The following ZNF540 variants were observed in gnomAD, a reference collection of about 807,000 sequenced individuals.
ZNF540 encodes the protein CTD-3064H18.6.
A neutral mutation model predicts 11.8 loss-of-function variants in ZNF540; 3 were observed. The ratio of observed to expected loss-of-function variants is 0.25; its 90% CI spans 0.12 to 0.65. ZNF540 has a LOEUF of 0.65. ZNF540 is among the 30% of genes least tolerant of loss of function. ZNF540 has a pLI of 0.83. For synonymous variants in ZNF540, 247 were observed against 259.0 expected (o/e 0.95, Z 0.45); for missense variants, 709 against 793.1 (o/e 0.89, Z 1.27).
intron 4 of ZNF540, among the ~76,000 whole-genome samples, chr19:37,608,730 A>G (rs1348491710): frequency 6.6e-6 from 1 of 152,156 alleles, no homozygotes; most frequent in Non-Finnish European, 1.5e-5. Context: ...GACCTTAACC[A>G]GTGCTTCCAG....
At chr19:37,600,951 G>A (rs763174955) in intron 3 of ZNF540, 59 bp from the exon 4 acceptor site, 19 of 1,402,968 alleles carry the variant, frequency 1.4e-5, no homozygotes, top group East Asian at 2.5e-5. Flanking sequence ...GTCTCAAAAT[G>A]TTTCTGAATG....
At chr19:37,571,026 T>G (rs2043031328) in intron 1 of ZNF540, among the ~76,000 whole-genome samples, 1 of 152,194 alleles carries the variant, frequency 6.6e-6, no homozygotes, top group Non-Finnish European at 1.5e-5. Flanking sequence ...TGAGGAATAA[T>G]TATAACAAAT....
chr19:37,590,264 A>C (rs577725278), upstream of ZNF540, among the ~76,000 whole-genome samples: 2 of 152,016 alleles, frequency 1.3e-5, no homozygotes, highest in Admixed American at 6.5e-5. Context: ...AAAATAAAAA[A>C]AAATTAGCTG....
At chr19:37,559,068 TCCTGCGCTCCAG>T (rs1298544090) in intron 1 of ZNF540, among the ~76,000 whole-genome samples, 1 of 152,162 alleles carries the variant, frequency 6.6e-6, no homozygotes. Flanking sequence ...GGTCTCAAAC[TCCTGCGCTCCAG>T]TGATTGCCTT....
chr19:37,600,751 G>A (rs954708905), intron 3 of ZNF540, among the ~76,000 whole-genome samples: 1 of 152,056 alleles, frequency 6.6e-6, no homozygotes, highest in South Asian at 2.1e-4. Flanking sequence ...CCTCTCAATA[G>A]AGCCAGTCTG....
intron 1 of ZNF540, among the ~76,000 whole-genome samples, chr19:37,553,324 GGTTT>G (rs1368084598): frequency 2.7e-5 from 4 of 150,640 alleles, no homozygotes; most frequent in East Asian, 3.9e-4. Context: ...GTAGAGATGG[GGTTT>G]CACCATGTTG....
At chr19:37,599,154 G>A (rs904086723) in intron 2 of ZNF540, among the ~76,000 whole-genome samples, 39 of 151,084 alleles carry the variant, frequency 2.6e-4, no homozygotes, top group African/African-American at 8.2e-4. Context: ...TGAGATCTCC[G>A]TCTCGATTGA....
chr19:37,588,610 C>T (rs1273629014), intron 1 of ZNF540, among the ~76,000 whole-genome samples: 1 of 152,202 alleles, frequency 6.6e-6, no homozygotes, highest in Non-Finnish European at 1.5e-5. Flanking sequence ...ATCAGGTATC[C>T]TGCTCACTAC....
chr19:37,567,461 A>G (rs1172925541), intron 1 of ZNF540, among the ~76,000 whole-genome samples: 2 of 152,184 alleles, frequency 1.3e-5, no homozygotes, highest in African/African-American at 4.8e-5. Context: ...CATGGCCTAC[A>G]AGCCCCTTTA....
chr19:37,586,584 G>A, intron 1 of ZNF540: 2 of 1,542,812 alleles, frequency 1.3e-6, no homozygotes, highest in South Asian at 2.3e-5. Flanking sequence ...AACCAAACAA[G>A]GCAGGAAATT....
chr19:37,572,917 TTGAA>T (rs1224601312), intron 1 of ZNF540, among the ~76,000 whole-genome samples: 3 of 60,458 alleles, frequency 5.0e-5, no homozygotes, highest in African/African-American at 2.1e-4. Flanking sequence ...CAAACTGACA[TTGAA>T]TGACTTTCAA....
At chr19:37,597,831 G>A (rs555163782) in intron 1 of ZNF540, among the ~76,000 whole-genome samples, 164 of 152,364 alleles carry the variant, frequency 1.1e-3, no homozygotes, top group African/African-American at 3.5e-3. Flanking sequence ...CTTTCTGAAA[G>A]TAGCCATAGT....
intron 4 of ZNF540, among the ~76,000 whole-genome samples, chr19:37,606,907 A>C (rs1465128427): frequency 1.3e-5 from 2 of 151,898 alleles, no homozygotes; most frequent in African/African-American, 4.8e-5. Context: ...GATGAAGCCA[A>C]ATGTATCTTT....
intron 4 of ZNF540, among the ~76,000 whole-genome samples, chr19:37,608,429 G>A (rs1452176212): frequency 6.6e-6 from 1 of 152,108 alleles, no homozygotes; most frequent in Non-Finnish European, 1.5e-5. Context: ...CCATCTGGAT[G>A]TTGTCTATTT....
chr19:37,553,403 C>G (rs1250524638), intron 1 of ZNF540, among the ~76,000 whole-genome samples: 2 of 151,716 alleles, frequency 1.3e-5, no homozygotes, highest in African/African-American at 4.8e-5. Flanking sequence ...AAAGTGCTGG[C>G]ATTACAGGCA....
At chr19:37,567,500 A>G (rs941598743) in intron 1 of ZNF540, 22 of 151,822 alleles carry the variant, frequency 1.4e-4, no homozygotes, top group African/African-American at 4.4e-4. Context: ...AATTTCTCCA[A>G]TTTCTTCAAC....
intron 1 of ZNF540, among the ~76,000 whole-genome samples, chr19:37,587,770 G>A (rs945049282): frequency 6.6e-6 from 1 of 151,988 alleles, no homozygotes; most frequent in Admixed American, 6.6e-5. Context: ...CTAAGATTTT[G>A]TCCTCCCCGC....
Position 37,612,334 on chromosome 19 carries a change from G to A in ZNF540, c.1054G>A (p.Val352Ile). 6.2e-7 allele frequency: 1 copy of A among 1,613,946 alleles called. No homozygotes were observed. Among genetic ancestry groups the A allele is most frequent in the Non-Finnish European group, 8.5e-7 (1 of 1,179,994 alleles). Reference sequence around the variant, plus strand: ...CCGTCATCAGAAAATTCATACTGGTGTAAAACCCTACGAATGTAAGGAATG... The same window carrying A: ...CCGTCATCAGAAAATTCATACTGGTATAAAACCCTACGAATGTAAGGAATG... ...LTRHQKIHTG[V>I]KPYECKECGK... Residue 352 changes from valine (V) to isoleucine (I), a missense_variant, in exon 5 of 5, where the codon GTA becomes ATA. Physicochemically the swap from Val to Ile is conservative, Grantham distance 29. Transcript: ENST00000316433.
At position 37,564,712 on chromosome 19, in the gene ZNF540, TTC is replaced by T. The variant is rs763334265; in HGVS notation, c.-73+13049_-73+13050del. 5.6e-6 allele frequency: 9 copies of T among 1,613,634 alleles called. No homozygotes were observed. The South Asian group carries it at 8.8e-5, about 16-fold the overall frequency. On this transcript the variant is annotated intron_variant, in intron 1 of 4. Transcript: ENST00000592533. ...TATGGATCCTTTGATGCAGAGTAAG[TTC>T]TGAGCCACGACTAAAGGCCCTCCCA... is the stretch of plus-strand genomic sequence containing the variant.
Sources: allele counts gnomAD v4.1 joint callset (sites outside exome capture counted in the v4.1 genomes callset), GRCh38; gene constraint gnomAD v4.1.1; transcripts MANE v1.5; gene names NCBI Gene and HGNC (gene_info 2026-07-23, HGNC 2026-07-21).